SLC24A3: variants seen among roughly 807,000 people sequenced by gnomAD.
The protein encoded by SLC24A3 is solute carrier family 24 member 3, also known as sodium/potassium/calcium exchanger 3.
A neutral mutation model predicts 75.8 loss-of-function variants in SLC24A3; 28 were observed. That is an observed-to-expected ratio of 0.37 (90% CI 0.27 to 0.51). SLC24A3 has a LOEUF of 0.51. Ranked by LOEUF, SLC24A3 falls within the 20% of genes least tolerant of loss-of-function variation. The pLI is 0.94. For synonymous variants in SLC24A3, 372 were observed against 334.1 expected (o/e 1.11, Z -1.24); for missense variants, 663 against 847.8 (o/e 0.78, Z 2.71).
At chr20:19,687,633 C>A (rs909350920) in intron 12 of SLC24A3, among the ~76,000 whole-genome samples, 5 of 152,238 alleles carry the variant, frequency 3.3e-5, no homozygotes, top group African/African-American at 1.2e-4. Flanking sequence ...ATGTTAGCAT[C>A]TTGGGAGCCC....
chr20:19,327,598 C>G (rs1311465367), intron 2 of SLC24A3, among the ~76,000 whole-genome samples: 1 of 152,218 alleles, frequency 6.6e-6, no homozygotes. Flanking sequence ...TGGTTCTGCT[C>G]TGATGACTGT....
intron 2 of SLC24A3, among the ~76,000 whole-genome samples, chr20:19,462,991 C>A (rs1362397104): frequency 6.6e-6 from 1 of 152,064 alleles, no homozygotes; most frequent in East Asian, 1.9e-4. Flanking sequence ...TGTGTCTTAT[C>A]CACCTCCTAT....
At chr20:19,580,132 T>A in intron 4 of SLC24A3, 58 bp downstream of exon 4, 2 of 1,471,150 alleles carry the variant, frequency 1.4e-6, no homozygotes, top group Non-Finnish European at 1.9e-6. Context: ...ACCTGTGCCC[T>A]GTACTGTTCC....
intron 7 of SLC24A3, among the ~76,000 whole-genome samples, chr20:19,659,228 G>A (rs1407444800): frequency 3.9e-5 from 6 of 152,200 alleles, no homozygotes; most frequent in Non-Finnish European, 7.4e-5. Flanking sequence ...GGGGTCTTCA[G>A]GGCAACCTGA....
intron 15 of SLC24A3, among the ~76,000 whole-genome samples, chr20:19,701,353 T>TAAAAAA (rs2032870056): frequency 1.3e-5 from 1 of 74,864 alleles, no homozygotes; most frequent in South Asian, 7.3e-4. Context: ...AAACATATTT[T>TAAAAAA]TATTAAAAAA....
intron 3 of SLC24A3, among the ~76,000 whole-genome samples, chr20:19,552,013 T>C (rs1366237132): frequency 6.6e-6 from 1 of 152,230 alleles, no homozygotes; most frequent in African/African-American, 2.4e-5. Context: ...CTCTTTTATT[T>C]GCCTGGAAGC....
chr20:19,472,237 C>T (rs987836755), intron 2 of SLC24A3, among the ~76,000 whole-genome samples: 28 of 152,204 alleles, frequency 1.8e-4, no homozygotes, highest in African/African-American at 6.0e-4. Flanking sequence ...AAGGTAATGA[C>T]CTATGTCACC....
chr20:19,652,650 G>A (rs1404108902), intron 6 of SLC24A3, among the ~76,000 whole-genome samples: 1 of 152,168 alleles, frequency 6.6e-6, no homozygotes, highest in Admixed American at 6.5e-5. Context: ...ATAGGAAGTG[G>A]GGAATGCGTT....
At chr20:19,395,034 A>G (rs1187407908) in intron 2 of SLC24A3, among the ~76,000 whole-genome samples, 1 of 152,228 alleles carries the variant, frequency 6.6e-6, no homozygotes, top group Admixed American at 6.5e-5. Context: ...TTTAACCTTA[A>G]AAAGGAAGAC....
intron 10 of SLC24A3, 77 bp downstream of exon 10, chr20:19,682,068 C>G: frequency 1.4e-6 from 2 of 1,474,088 alleles, no homozygotes; most frequent in Non-Finnish European, 1.9e-6. Context: ...GCCTGGCCAA[C>G]ATGGCAAATC....
At chr20:19,546,478 G>C (rs1450712219) in intron 3 of SLC24A3, among the ~76,000 whole-genome samples, 1 of 152,182 alleles carries the variant, frequency 6.6e-6, no homozygotes, top group African/African-American at 2.4e-5. Flanking sequence ...ACAGAAGTGG[G>C]CTGGAAGGAC....
intron 1 of SLC24A3, among the ~76,000 whole-genome samples, chr20:19,234,516 G>C (rs1982110325): frequency 6.6e-6 from 1 of 152,218 alleles, no homozygotes; most frequent in Admixed American, 6.5e-5. Context: ...CTACTTTATT[G>C]AGAGCCTAGC....
At chr20:19,354,494 C>A (rs1303093720) in intron 2 of SLC24A3, among the ~76,000 whole-genome samples, 1 of 151,848 alleles carries the variant, frequency 6.6e-6, no homozygotes. Context: ...GTAAATTATA[C>A]CTCAATAAAA....
intron 2 of SLC24A3, among the ~76,000 whole-genome samples, chr20:19,380,074 A>G (rs572270459): frequency 2.0e-5 from 3 of 152,342 alleles, no homozygotes; most frequent in Non-Finnish European, 4.4e-5. Flanking sequence ...GGCAGGTAAT[A>G]ATCAAATAAT....
At chr20:19,607,022 C>T (rs557957118) in intron 6 of SLC24A3, among the ~76,000 whole-genome samples, 4 of 152,260 alleles carry the variant, frequency 2.6e-5, no homozygotes, top group Non-Finnish European at 4.4e-5. Flanking sequence ...GAGGGTTGGA[C>T]GTGTGAATGA....
At chr20:19,635,822 C>G (rs889471206) in intron 6 of SLC24A3, among the ~76,000 whole-genome samples, 1 of 152,108 alleles carries the variant, frequency 6.6e-6, no homozygotes, top group African/African-American at 2.4e-5. Context: ...CAGCTTAGGG[C>G]TCTGAGAGTA....
chr20:19,331,500 A>T (rs967512242), intron 2 of SLC24A3, among the ~76,000 whole-genome samples: 9 of 152,232 alleles, frequency 5.9e-5, no homozygotes. Context: ...AGATAGATAA[A>T]CAGAATGCTA....
chr20:19,511,944 G>A lies in SLC24A3; in HGVS notation c.272-3544G>A, dbSNP rs144519549. On this transcript the variant is annotated intron_variant, in intron 2 of 16. Transcript: ENST00000328041. ...TCTTGAAGAACAGTGGTTCAAAACC[G>A]TTAGACTGTCCTCTGCCTTGCCCAC... Among the ~76,000 whole-genome samples, 37 of 152,244 alleles carry A rather than the reference G, an allele frequency of 2.4e-4. No individual in the cohort carries two copies. In the East Asian group the frequency reaches 6.6e-3, roughly 27 times the overall value.
intron 2 of SLC24A3, among the ~76,000 whole-genome samples, chr20:19,305,546 G>T (rs931868829): frequency 2.0e-5 from 3 of 151,894 alleles, no homozygotes; most frequent in Non-Finnish European, 2.9e-5. Flanking sequence ...ATGACTTGTG[G>T]GGTTAAGAAT....
Sources: allele counts gnomAD v4.1 joint callset (sites outside exome capture counted in the v4.1 genomes callset), GRCh38; gene constraint gnomAD v4.1.1; transcripts MANE v1.5; gene names NCBI Gene and HGNC (gene_info 2026-07-23, HGNC 2026-07-21).